Variants in PTPRQ observed in about 807,000 individuals in gnomAD.
PTPRQ encodes the protein protein tyrosine phosphatase receptor type Q, also known as phosphatidylinositol phosphatase PTPRQ.
Under a neutral mutation model 246.0 loss-of-function variants are expected in PTPRQ, and 199 were observed. The observed-to-expected ratio is 0.81, with a 90% CI of 0.72 to 0.91. The LOEUF (loss-of-function observed/expected upper bound fraction) is 0.91, where lower values mean the gene tolerates loss of function less well. Among genes scored for constraint, PTPRQ ranks in the 40% least tolerant of loss-of-function variants. The pLI, the probability that PTPRQ is intolerant of heterozygous loss-of-function variation, is 0.00. For synonymous variants in PTPRQ, 869 were observed against 853.2 expected, an observed-to-expected ratio of 1.02 and a Z score of -0.32; for missense variants, 2,624 against 2,528.4, an observed-to-expected ratio of 1.04 and a Z score of -0.81.
intron 38 of PTPRQ, among the ~76,000 whole-genome samples, chr12:80,655,993 T>C (rs924479828): frequency 6.6e-6 from 1 of 152,178 alleles, no homozygotes; most frequent in African/African-American, 2.4e-5. Flanking sequence ...CCTTCAGAAA[T>C]ATTCCAACAC....
chr12:80,562,686 C>G (rs992289221), intron 25 of PTPRQ, among the ~76,000 whole-genome samples: 7 of 151,484 alleles, frequency 4.6e-5, no homozygotes, highest in Admixed American at 3.9e-4. Flanking sequence ...GAAAATAGAC[C>G]AATAATCTAA....
At chr12:80,598,100 C>T (rs1161738645) in intron 26 of PTPRQ, among the ~76,000 whole-genome samples, 1 of 151,862 alleles carries the variant, frequency 6.6e-6, no homozygotes, top group Non-Finnish European at 1.5e-5. Flanking sequence ...GATGATCATA[C>T]AGTGAGGTCT....
At chr12:80,635,892 TA>T (rs1274160631) in intron 35 of PTPRQ, among the ~76,000 whole-genome samples, 1 of 152,136 alleles carries the variant, frequency 6.6e-6, no homozygotes, top group African/African-American at 2.4e-5. Context: ...CTGTTAAAAT[TA>T]AAAAAATTAT....
At chr12:80,542,702 G>T (rs950588201) in intron 22 of PTPRQ, 28 bp from the exon 23 acceptor site, 19 of 1,523,030 alleles carry the variant, frequency 1.2e-5, no homozygotes, top group South Asian at 6.5e-5. Flanking sequence ...TTTTATGAAT[G>T]TAAGTTTCTT....
Position 80,521,442 on chromosome 12 carries a change from C to T in PTPRQ, c.2678+10999C>T, listed in dbSNP as rs187589086. 4.5e-4 allele frequency among the ~76,000 whole-genome samples: 69 copies of T among 152,268 alleles called. No individual in the cohort carries two copies. The East Asian group carries it at 0.011, about 24-fold the overall frequency. ...TTAGACATGAAGTCCTTGCCCATGC[C>T]TATGTCCTGAATGGTATTGCTTAGG... On this transcript the variant is annotated intron_variant, in intron 17 of 44. Coordinates refer to ENST00000644991, the MANE Select transcript of PTPRQ (RefSeq NM_001145026.2).
At chr12:80,574,675 T>C (rs1387819380) in intron 25 of PTPRQ, among the ~76,000 whole-genome samples, 1 of 152,220 alleles carries the variant, frequency 6.6e-6, no homozygotes, top group African/African-American at 2.4e-5. Flanking sequence ...TACATGAATT[T>C]TGCAGAAGTA....
At chr12:80,638,688 T>G (rs1002090658) in intron 35 of PTPRQ, among the ~76,000 whole-genome samples, 1 of 152,204 alleles carries the variant, frequency 6.6e-6, no homozygotes, top group African/African-American at 2.4e-5. Context: ...TGAAAATGCC[T>G]TCTCTCACTC....
chr12:80,660,260 G>T (rs1444528196), intron 39 of PTPRQ, among the ~76,000 whole-genome samples: 2 of 151,998 alleles, frequency 1.3e-5, no homozygotes, highest in Non-Finnish European at 2.9e-5. Flanking sequence ...GAAGTCTGGG[G>T]AAGAGACAGA....
intron 25 of PTPRQ, among the ~76,000 whole-genome samples, chr12:80,578,382 AT>A (rs1897332834): frequency 6.6e-6 from 1 of 151,526 alleles, no homozygotes; most frequent in African/African-American, 2.4e-5. Context: ...AAAAATTTTT[AT>A]TTTTATTTAT....
chr12:80,673,788 G>A (rs1424704897), intron 43 of PTPRQ, among the ~76,000 whole-genome samples: 1 of 152,044 alleles, frequency 6.6e-6, no homozygotes, highest in African/African-American at 2.4e-5. Flanking sequence ...ACTATTAACT[G>A]TGAGGTTTTT....
In PTPRQ at chr12:80,445,628, C is replaced by T. The variant is rs1425301887; in HGVS notation, c.301C>T (p.Gln101Ter). The T allele has an allele frequency of 5.2e-6, 8 of 1,549,866 alleles. No homozygotes were observed. The Admixed American group carries it at 9.8e-5, about 19-fold the overall frequency. Reference protein sequence around the residue: ...VKYKEVCPWMQTVYTQVRSKP... With the variant: ...VKYKEVCPWM ...ATATAAGGAAGTTTGTCCGTGGATGCAAACAGTATATACACAAGTCAGATC... is the reference window on the plus strand; with the variant it reads ...ATATAAGGAAGTTTGTCCGTGGATGTAAACAGTATATACACAAGTCAGATC... Residue 101 changes from glutamine (Q) to a stop codon, truncating the protein, a stop_gained, in exon 3 of 45, where the codon CAA becomes TAA. Transcript: ENST00000644991. LOFTEE classifies it high-confidence loss of function.
At chr12:80,462,166 C>T (rs1841493440) in intron 6 of PTPRQ, 1 of 205,856 alleles carries the variant, frequency 4.9e-6, no homozygotes, top group Non-Finnish European at 1.0e-5. Context: ...CACCCGAATA[C>T]TGCGCTTTTC....
intron 35 of PTPRQ, among the ~76,000 whole-genome samples, chr12:80,640,223 G>C (rs959482262): frequency 2.0e-5 from 3 of 152,188 alleles, no homozygotes; most frequent in Non-Finnish European, 4.4e-5. Context: ...ATGAAGCAAA[G>C]AAGTGATGGC....
At chr12:80,678,071 C>T (rs1300936984) in intron 43 of PTPRQ, among the ~76,000 whole-genome samples, 3 of 152,076 alleles carry the variant, frequency 2.0e-5, no homozygotes, top group Non-Finnish European at 4.4e-5. Flanking sequence ...TTCAATGACC[C>T]ACTGCCTTGT....
chr12:80,638,699 T>C (rs1305492443), intron 35 of PTPRQ, among the ~76,000 whole-genome samples: 1 of 152,212 alleles, frequency 6.6e-6, no homozygotes, highest in Non-Finnish European at 1.5e-5. Context: ...TCTCTCACTC[T>C]ATCATTCTAT....
rs1767100188 is a variant in PTPRQ, at chr12:80,478,692, G to T, written c.1187-5741G>T. Among the ~76,000 whole-genome samples the T allele has an allele frequency of 2.6e-5, 4 of 152,272 alleles. No homozygotes were observed. In the South Asian group the frequency reaches 8.3e-4, roughly 32 times the overall value. On this transcript the variant is annotated intron_variant, in intron 8 of 44. Coordinates refer to ENST00000644991, the MANE Select transcript of PTPRQ (RefSeq NM_001145026.2). ...AGAGAAGTGCTTAAAGGAGCTGATG[G>T]AACTTATAACCAAGGCTCGAGAACT...
chr12:80,555,994 A>G lies in PTPRQ; in HGVS notation c.4285+6260A>G, dbSNP rs558309781. Reference sequence around the variant, plus strand: ...CATATTTAATATGTATAAAACAAACACAAACCTACATAATATGTTGGTCAA... The same window carrying G: ...CATATTTAATATGTATAAAACAAACGCAAACCTACATAATATGTTGGTCAA... On this transcript the variant is annotated intron_variant, in intron 25 of 44. Coordinates refer to ENST00000644991, the MANE Select transcript of PTPRQ (RefSeq NM_001145026.2). 3.3e-5 allele frequency among the ~76,000 whole-genome samples: 5 copies of G among 152,316 alleles called. 1 individual carries two copies. Among genetic ancestry groups the G allele is most frequent in the African/African-American group, 1.2e-4 (5 of 41,560 alleles).
intron 17 of PTPRQ, among the ~76,000 whole-genome samples, chr12:80,524,705 AT>A (rs563397971): frequency 1.1e-3 from 174 of 152,004 alleles, no homozygotes; most frequent in African/African-American, 4.0e-3. Context: ...TTTCTTACAT[AT>A]TTTTTTCTTT....
At chr12:80,672,431 A>C (rs1303189997) in intron 42 of PTPRQ, among the ~76,000 whole-genome samples, 1 of 151,874 alleles carries the variant, frequency 6.6e-6, no homozygotes, top group Non-Finnish European at 1.5e-5. Flanking sequence ...CAAAAATGGC[A>C]GTTTCATGTG....
Sources: allele counts gnomAD v4.1 joint callset (sites outside exome capture counted in the v4.1 genomes callset), GRCh38; gene constraint gnomAD v4.1.1; transcripts MANE v1.5; gene names NCBI Gene and HGNC (gene_info 2026-07-23, HGNC 2026-07-21).